Variants in LRRC4C observed in about 807,000 individuals in gnomAD.
LRRC4C encodes the protein leucine rich repeat containing 4C.
Under a neutral mutation model 33.6 loss-of-function variants are expected in LRRC4C, and 5 were observed. The ratio of observed to expected loss-of-function variants is 0.15; its 90% CI spans 0.08 to 0.31. The LOEUF (loss-of-function observed/expected upper bound fraction) is 0.31. Among genes scored for constraint, LRRC4C ranks in the 10% least tolerant of loss-of-function variants. The probability of loss-of-function intolerance (pLI) is 1.00; values close to 1 mark genes in which losing one functional copy is unlikely to be tolerated. For missense variants in LRRC4C, 560 were observed against 796.7 expected (o/e 0.70, Z 3.58); for synonymous variants, 329 against 302.0 (o/e 1.09, Z -0.93).
intron 2 of LRRC4C, among the ~76,000 whole-genome samples, chr11:40,875,757 G>A (rs1043676462): frequency 4.6e-5 from 7 of 152,052 alleles, no homozygotes; most frequent in Non-Finnish European, 8.8e-5. Context: ...CCATGAACTC[G>A]GGCAGGTGGG....
At chr11:40,891,129 G>C (rs1274070982) in intron 2 of LRRC4C, among the ~76,000 whole-genome samples, 1 of 152,086 alleles carries the variant, frequency 6.6e-6, no homozygotes, top group African/African-American at 2.4e-5. Context: ...TACTCGGGAG[G>C]CTGAGGTAGG....
At chr11:41,361,434 A>G (rs558152207) in intron 1 of LRRC4C, among the ~76,000 whole-genome samples, 33 of 152,312 alleles carry the variant, frequency 2.2e-4, no homozygotes, top group African/African-American at 7.7e-4. Flanking sequence ...GAAGTAATGG[A>G]AAGTATGAAT....
chr11:40,879,969 T>G (rs1444833988), intron 2 of LRRC4C, among the ~76,000 whole-genome samples: 1 of 152,090 alleles, frequency 6.6e-6, no homozygotes, highest in East Asian at 1.9e-4. Flanking sequence ...ACTGGACAAG[T>G]CTGTAACTAT....
chr11:40,383,920 A>AATTCTTATTATTATTATT (rs1555040674), intron 3 of LRRC4C, among the ~76,000 whole-genome samples: 1 of 135,432 alleles, frequency 7.4e-6, no homozygotes, highest in Non-Finnish European at 1.5e-5. Flanking sequence ...TTTTAATTCA[A>AATTCTTATTATTATTATT]ATTATTATTA....
chr11:40,338,262 A>C (rs1476922147), intron 3 of LRRC4C, among the ~76,000 whole-genome samples: 1 of 152,214 alleles, frequency 6.6e-6, no homozygotes, highest in Non-Finnish European at 1.5e-5. Flanking sequence ...GTTCAATGTG[A>C]AAAAGGGTTT....
chr11:41,056,620 C>A (rs1858638158), intron 1 of LRRC4C, among the ~76,000 whole-genome samples: 1 of 152,084 alleles, frequency 6.6e-6, no homozygotes, highest in Non-Finnish European at 1.5e-5. Context: ...AGACACATTT[C>A]AAAAGAAGAC....
chr11:40,909,249 C>T (rs1208805501), intron 2 of LRRC4C, among the ~76,000 whole-genome samples: 1 of 151,986 alleles, frequency 6.6e-6, no homozygotes, highest in East Asian at 1.9e-4. Flanking sequence ...AGATTCTATT[C>T]TTTAAAAACT....
chr11:40,848,519 T>G (rs904234204), intron 2 of LRRC4C, among the ~76,000 whole-genome samples: 1 of 152,212 alleles, frequency 6.6e-6, no homozygotes, highest in African/African-American at 2.4e-5. Context: ...CAGTTTTTTA[T>G]GATTTCCATT....
At chr11:41,271,222 T>G (rs1444153897) in intron 1 of LRRC4C, among the ~76,000 whole-genome samples, 8 of 151,968 alleles carry the variant, frequency 5.3e-5, no homozygotes, top group African/African-American at 1.9e-4. Flanking sequence ...CTTTCCTCCT[T>G]CCTAACTTAA....
chr11:40,507,563 G>A (rs1028215580), intron 3 of LRRC4C, among the ~76,000 whole-genome samples: 14 of 151,900 alleles, frequency 9.2e-5, no homozygotes, highest in Admixed American at 6.6e-4. Context: ...GTATGGTAAC[G>A]CCTAGCATTA....
chr11:40,300,270 C>T (rs909203617), intron 4 of LRRC4C, among the ~76,000 whole-genome samples: 18 of 152,142 alleles, frequency 1.2e-4, no homozygotes, highest in African/African-American at 4.3e-4. Context: ...TTAGGGATTA[C>T]AATTTGACAT....
chr11:40,192,844 G>A (rs1861956823), intron 5 of LRRC4C, among the ~76,000 whole-genome samples: 4 of 152,130 alleles, frequency 2.6e-5, no homozygotes, highest in South Asian at 2.1e-4. Context: ...TGGGAAGTTC[G>A]GACTAGGCAG....
At chr11:40,759,204 AAT>A (rs892481631) in intron 2 of LRRC4C, among the ~76,000 whole-genome samples, 4 of 147,092 alleles carry the variant, frequency 2.7e-5, no homozygotes, top group Non-Finnish European at 4.5e-5. Flanking sequence ...AATTATATAT[AAT>A]ATATATAATC....
chr11:40,150,583 C>T (rs764396638), intron 5 of LRRC4C, among the ~76,000 whole-genome samples: 1 of 152,198 alleles, frequency 6.6e-6, no homozygotes, highest in Non-Finnish European at 1.5e-5. Flanking sequence ...ATAACAGGCA[C>T]ACACCACCAT....
intron 1 of LRRC4C, among the ~76,000 whole-genome samples, chr11:41,123,261 GTTTTTT>G (rs1217714729): frequency 6.2e-5 from 3 of 48,080 alleles, no homozygotes; most frequent in African/African-American, 5.8e-5. Flanking sequence ...GCTATGTTTT[GTTTTTT>G]TTTTTTTTTT....
At chr11:40,827,547 A>G (rs907685563) in intron 2 of LRRC4C, among the ~76,000 whole-genome samples, 2 of 151,932 alleles carry the variant, frequency 1.3e-5, no homozygotes, top group Admixed American at 1.3e-4. Flanking sequence ...AAACCTAATA[A>G]TATTAAAACC....
At chr11:40,871,811 C>A (rs1954664628) in intron 2 of LRRC4C, among the ~76,000 whole-genome samples, 1 of 152,128 alleles carries the variant, frequency 6.6e-6, no homozygotes, top group African/African-American at 2.4e-5. Flanking sequence ...TTATACCTGC[C>A]TTACATGACC....
chr11:41,029,690 T>C (rs188036553), intron 1 of LRRC4C, among the ~76,000 whole-genome samples: 2 of 151,996 alleles, frequency 1.3e-5, no homozygotes, highest in Admixed American at 1.3e-4. Flanking sequence ...ACAGGACTGA[T>C]ACCTGGAGAT....
At chr11:41,280,261 C>T (rs1949620219) in intron 1 of LRRC4C, among the ~76,000 whole-genome samples, 1 of 152,150 alleles carries the variant, frequency 6.6e-6, no homozygotes, top group South Asian at 2.1e-4. Context: ...TCATCTGTTG[C>T]ATGTGGCAAA....
Sources: gnomAD v4.1 joint callset for allele counts (sites outside exome capture counted in the v4.1 genomes callset) on GRCh38, gnomAD v4.1.1 for gene constraint, MANE v1.5 for transcripts, NCBI Gene and HGNC (gene_info 2026-07-23, HGNC 2026-07-21) for gene names.